DISC1: variants seen among roughly 807,000 people sequenced by gnomAD.
The protein encoded by DISC1 is DISC1 scaffold protein, also known as disrupted in schizophrenia 1 protein.
Under a neutral mutation model 84.5 loss-of-function variants are expected in DISC1, and 57 were observed. The observed-to-expected ratio is 0.67, with a 90% CI of 0.55 to 0.84. The LOEUF (loss-of-function observed/expected upper bound fraction) is 0.84. DISC1 is among the 40% of genes least tolerant of loss of function. The pLI, the probability that DISC1 is intolerant of heterozygous loss-of-function variation, is 0.00. For missense variants in DISC1, 1,000 were observed against 1,057.8 expected (o/e 0.95, Z 0.76); for synonymous variants, 411 against 415.2 (o/e 0.99, Z 0.12).
intron 9 of DISC1, among the ~76,000 whole-genome samples, chr1:231,870,454 A>G (rs986320327): frequency 1.3e-5 from 2 of 152,238 alleles, no homozygotes; most frequent in Admixed American, 1.3e-4. Flanking sequence ...TGTGCTAAGT[A>G]GTTGGCCAGA....
At position 231,864,402 on chromosome 1, in the gene DISC1, G is replaced by A. The variant is rs542562427; in HGVS notation, c.1981+45885G>A. 3.9e-5 allele frequency among the ~76,000 whole-genome samples: 6 copies of A among 152,236 alleles called. No homozygotes were observed. In the South Asian group the frequency reaches 6.2e-4, roughly 16 times the overall value. On this transcript the variant is annotated intron_variant, in intron 9 of 12. Coordinates refer to ENST00000439617, the MANE Select transcript of DISC1 (RefSeq NM_018662.3). Reference sequence around the variant, plus strand: ...GGGTGGGCCGGGCGCAGTGGCTCACGCCTGTAATCCCAGCACTTTGGGAGG... The same window carrying A: ...GGGTGGGCCGGGCGCAGTGGCTCACACCTGTAATCCCAGCACTTTGGGAGG...
At chr1:231,782,650 G>A (rs1372090873) in intron 6 of DISC1, among the ~76,000 whole-genome samples, 2 of 152,120 alleles carry the variant, frequency 1.3e-5, no homozygotes, top group Non-Finnish European at 2.9e-5. Flanking sequence ...AAATATAAAT[G>A]CAAATGGCTG....
chr1:231,855,080 G>T (rs2084176454), intron 9 of DISC1: 18 of 991,248 alleles, frequency 1.8e-5, no homozygotes, highest in Non-Finnish European at 2.2e-5. Flanking sequence ...GGTAAGGAAA[G>T]AAATTTATTT....
chr1:231,979,065 A>G (rs1017365432), intron 10 of DISC1, among the ~76,000 whole-genome samples: 10 of 151,924 alleles, frequency 6.6e-5, no homozygotes, highest in African/African-American at 2.4e-4. Context: ...TTCTCCTAGG[A>G]GCCTGAACCC....
chr1:231,728,541 G>A (rs2071059500), intron 3 of DISC1, among the ~76,000 whole-genome samples: 1 of 152,176 alleles, frequency 6.6e-6, no homozygotes, highest in South Asian at 2.1e-4. Context: ...AGAGGTCTTG[G>A]AGCTCTATCC....
intron 12 of DISC1, among the ~76,000 whole-genome samples, chr1:232,030,701 C>T (rs553288131): frequency 2.6e-5 from 4 of 152,090 alleles, no homozygotes; most frequent in Non-Finnish European, 4.4e-5. Flanking sequence ...ACAAAGGTAA[C>T]GAGAGTTTTG....
chr1:231,665,173 T>A (rs1344926439), intron 1 of DISC1, among the ~76,000 whole-genome samples: 2 of 152,214 alleles, frequency 1.3e-5, no homozygotes, highest in Non-Finnish European at 2.9e-5. Flanking sequence ...GCCACCTACA[T>A]TGCTATTGTG....
At chr1:231,832,967 C>G (rs59416967) in intron 9 of DISC1, among the ~76,000 whole-genome samples, 3,802 of 64,084 alleles carry the variant, frequency 0.059, 253 homozygotes, top group East Asian at 0.12. Context: ...ATTGAGCAGG[C>G]TAAGGGTGAT....
chr1:231,703,087 G>C (rs1454032577), intron 3 of DISC1, among the ~76,000 whole-genome samples: 1 of 152,218 alleles, frequency 6.6e-6, no homozygotes, highest in Non-Finnish European at 1.5e-5. Context: ...AATAAGATAA[G>C]TGATTTCCAA....
In DISC1 at chr1:231,897,297, A is replaced by C. The variant is rs1002559618; in HGVS notation, c.1982-61531A>C. On this transcript the variant is annotated intron_variant, in intron 9 of 12. Coordinates refer to ENST00000439617, the MANE Select transcript of DISC1 (RefSeq NM_018662.3). The surrounding 1 kb of genome is among the most constrained non-coding windows in gnomAD (Gnocchi z 4.5). ...AAGAAGAGGTCTTGAATTAATAGTC[A>C]AACCTGATATAGCTTCTTTGTCACT... is the stretch of plus-strand genomic sequence containing the variant. Among the ~76,000 whole-genome samples, 2 of 152,188 alleles carry C rather than the reference A, an allele frequency of 1.3e-5. No homozygotes were observed. The highest frequency in any genetic ancestry group is 3.8e-4 in the East Asian group (2 of 5,198).
chr1:231,845,925 T>C (rs2125881481), intron 9 of DISC1, among the ~76,000 whole-genome samples: 1 of 151,964 alleles, frequency 6.6e-6, no homozygotes, highest in East Asian at 1.9e-4. Context: ...GGTGTCGGCC[T>C]GGTGATGCAA....
At chr1:231,749,862 C>G (rs139548942) in intron 3 of DISC1, 64 bp from the exon 4 acceptor site, 12 of 1,608,502 alleles carry the variant, frequency 7.5e-6, no homozygotes, top group South Asian at 3.3e-5. Flanking sequence ...TAAGAGACAC[C>G]GGGGTTATCT....
At chr1:231,743,032 T>A (rs2073510244) in intron 3 of DISC1, among the ~76,000 whole-genome samples, 2 of 152,206 alleles carry the variant, frequency 1.3e-5, no homozygotes, top group African/African-American at 4.8e-5. Flanking sequence ...TGAGTGTAAT[T>A]TTTGGCAGCC....
intron 9 of DISC1, among the ~76,000 whole-genome samples, chr1:231,844,754 T>C (rs2125875809): frequency 6.6e-6 from 1 of 151,496 alleles, no homozygotes; most frequent in Admixed American, 6.6e-5. Flanking sequence ...TGAAACCCCG[T>C]CTCTACTAAA....
At chr1:231,887,418 T>G (rs2086851543) in intron 9 of DISC1, among the ~76,000 whole-genome samples, 1 of 152,202 alleles carries the variant, frequency 6.6e-6, no homozygotes, top group African/African-American at 2.4e-5. Context: ...CATTTGAAGG[T>G]GGAAGGATGA....
chr1:231,896,428 A>G (rs2087695714), intron 9 of DISC1, among the ~76,000 whole-genome samples: 1 of 152,176 alleles, frequency 6.6e-6, no homozygotes, highest in Non-Finnish European at 1.5e-5. Flanking sequence ...GATACAAATT[A>G]TATGCCGATT....
At chr1:231,885,332 T>C (rs1030031867) in intron 9 of DISC1, among the ~76,000 whole-genome samples, 2 of 152,180 alleles carry the variant, frequency 1.3e-5, no homozygotes, top group African/African-American at 4.8e-5. Flanking sequence ...CCTCTGTTAT[T>C]ATGACAGGAC....
intron 9 of DISC1, among the ~76,000 whole-genome samples, chr1:231,834,258 A>G (rs2082460965): frequency 6.6e-6 from 1 of 152,060 alleles, no homozygotes; most frequent in South Asian, 2.1e-4. Flanking sequence ...AGGCCGAGGA[A>G]GAATTTGGAC....
intron 1 of DISC1, among the ~76,000 whole-genome samples, chr1:231,663,494 T>G (rs901544087): frequency 6.6e-6 from 1 of 152,164 alleles, no homozygotes; most frequent in South Asian, 2.1e-4. Context: ...TTAAGTCCCT[T>G]GTACTTTATG....
Sources: allele counts gnomAD v4.1 joint callset (sites outside exome capture counted in the v4.1 genomes callset), GRCh38; gene constraint gnomAD v4.1.1; non-coding constraint Gnocchi (gnomAD v3.1); transcripts MANE v1.5; gene names NCBI Gene and HGNC (gene_info 2026-07-23, HGNC 2026-07-21).